Variants in DLGAP2 observed in about 807,000 individuals in gnomAD.
The protein encoded by DLGAP2 is disks large-associated protein 2.
A neutral mutation model predicts 100.3 loss-of-function variants in DLGAP2; 26 were observed. The observed-to-expected ratio is 0.26, with a 90% CI of 0.19 to 0.36. DLGAP2 has a LOEUF of 0.36. Among genes scored for constraint, DLGAP2 ranks in the 10% least tolerant of loss-of-function variants. The pLI, the probability that DLGAP2 is intolerant of heterozygous loss-of-function variation, is 1.00. For missense variants in DLGAP2, 1,858 were observed against 1,453.2 expected, an observed-to-expected ratio of 1.28 and a Z score of -4.53; for synonymous variants, 886 against 630.1, an observed-to-expected ratio of 1.41 and a Z score of -6.08.
intron 3 of DLGAP2, among the ~76,000 whole-genome samples, chr8:1,377,654 G>C (rs1795990094): frequency 6.6e-6 from 1 of 152,222 alleles, no homozygotes; most frequent in African/African-American, 2.4e-5. Context: ...TGTGCCCTGA[G>C]GGCCTGTGAG....
intron 2 of DLGAP2, among the ~76,000 whole-genome samples, chr8:1,220,081 T>G (rs912325814): frequency 2.6e-5 from 4 of 152,156 alleles, no homozygotes; most frequent in African/African-American, 9.7e-5. Flanking sequence ...TTGTTGATGT[T>G]TTGAATGGAT....
intron 4 of DLGAP2, among the ~76,000 whole-genome samples, chr8:1,547,870 G>A (rs1278145410): frequency 6.6e-6 from 1 of 152,214 alleles, no homozygotes; most frequent in Non-Finnish European, 1.5e-5. Context: ...GCCTGTAAGG[G>A]TGTGGACTGA....
chr8:1,515,381 C>T (rs1242994115), intron 4 of DLGAP2, among the ~76,000 whole-genome samples: 1 of 152,212 alleles, frequency 6.6e-6, no homozygotes, highest in African/African-American at 2.4e-5. Context: ...TACACATGCA[C>T]ATACATGAAC....
At chr8:1,054,926 C>G (rs1361741297) in intron 2 of DLGAP2, among the ~76,000 whole-genome samples, 1 of 152,202 alleles carries the variant, frequency 6.6e-6, no homozygotes, top group African/African-American at 2.4e-5. Context: ...ATAATAACAG[C>G]CTTCATAGAC....
At chr8:794,055 G>A (rs999582527) in intron 1 of DLGAP2, among the ~76,000 whole-genome samples, 2 of 151,872 alleles carry the variant, frequency 1.3e-5, no homozygotes, top group Non-Finnish European at 1.5e-5. Context: ...AGTGAGGTTG[G>A]GATGAGCTGT....
intron 2 of DLGAP2, among the ~76,000 whole-genome samples, chr8:1,200,527 T>C (rs1167015644): frequency 6.6e-6 from 1 of 152,094 alleles, no homozygotes; most frequent in Non-Finnish European, 1.5e-5. Context: ...TGCTGATTGT[T>C]CTCTGGTCTG....
intron 5 of DLGAP2, among the ~76,000 whole-genome samples, chr8:1,554,769 A>G (rs1219614114): frequency 2.3e-5 from 2 of 85,188 alleles, no homozygotes; most frequent in African/African-American, 1.2e-4. Context: ...CACGCGCCCC[A>G]GCCCCCCCTC....
chr8:1,550,298 G>T (rs1380396841), intron 5 of DLGAP2, among the ~76,000 whole-genome samples: 3 of 152,192 alleles, frequency 2.0e-5, no homozygotes, highest in Non-Finnish European at 2.9e-5. Context: ...CTATGGCTTT[G>T]TGCGCGGGGC....
intron 1 of DLGAP2, among the ~76,000 whole-genome samples, chr8:742,665 A>G (rs1265154245): frequency 3.3e-5 from 5 of 151,698 alleles, no homozygotes; most frequent in African/African-American, 9.7e-5. Flanking sequence ...GCACCCAACT[A>G]ATTTTTACTT....
intron 2 of DLGAP2, among the ~76,000 whole-genome samples, chr8:909,185 T>C (rs993862818): frequency 6.6e-6 from 1 of 152,238 alleles, no homozygotes; most frequent in African/African-American, 2.4e-5. Context: ...ACAGGGAAGC[T>C]TGTTGAGTGT....
intron 1 of DLGAP2, among the ~76,000 whole-genome samples, chr8:762,998 A>G (rs1041897419): frequency 3.3e-5 from 5 of 152,174 alleles, no homozygotes; most frequent in African/African-American, 1.2e-4. Context: ...TTAAATGTCC[A>G]GTAATGACAG....
At chr8:1,103,370 G>A (rs969960900) in intron 2 of DLGAP2, among the ~76,000 whole-genome samples, 5 of 151,878 alleles carry the variant, frequency 3.3e-5, no homozygotes, top group Non-Finnish European at 5.9e-5. Flanking sequence ...ATGACTGACG[G>A]GGACTTGGTT....
At chr8:843,604 C>T (rs957681595) in intron 1 of DLGAP2, among the ~76,000 whole-genome samples, 16 of 152,214 alleles carry the variant, frequency 1.1e-4, no homozygotes, top group Admixed American at 7.2e-4. Context: ...GGCACTTCCC[C>T]GTATTTTGCA....
At chr8:1,303,019 G>C (rs1264067507) in intron 3 of DLGAP2, among the ~76,000 whole-genome samples, 2 of 152,224 alleles carry the variant, frequency 1.3e-5, no homozygotes, top group Non-Finnish European at 2.9e-5. Context: ...ATGGGCCTTC[G>C]TAAGGACACA....
chr8:1,128,404 A>G (rs569944685), intron 2 of DLGAP2, among the ~76,000 whole-genome samples: 4 of 152,250 alleles, frequency 2.6e-5, no homozygotes, highest in Non-Finnish European at 5.9e-5. Flanking sequence ...CAGTGGTCCC[A>G]TGGAATTATA....
At chr8:1,370,584 A>G (rs1802214138) in intron 3 of DLGAP2, among the ~76,000 whole-genome samples, 1 of 152,240 alleles carries the variant, frequency 6.6e-6, no homozygotes, top group Non-Finnish European at 1.5e-5. Flanking sequence ...ACAAAAGAAG[A>G]AAAGCTGTCT....
intron 5 of DLGAP2, among the ~76,000 whole-genome samples, chr8:1,562,561 T>C (rs1257881319): frequency 1.5e-4 from 5 of 34,266 alleles, no homozygotes; most frequent in South Asian, 2.5e-3. Context: ...TGGGTGTCCG[T>C]GCCTCGTTGC....
At chr8:907,316 G>A (rs1798401341) in intron 1 of DLGAP2, among the ~76,000 whole-genome samples, 1 of 152,218 alleles carries the variant, frequency 6.6e-6, no homozygotes, top group South Asian at 2.1e-4. Flanking sequence ...TTACCGGAGT[G>A]TGTGCTTTGC....
chr8:1,492,240 G>C (rs1169145346), intron 3 of DLGAP2, among the ~76,000 whole-genome samples: 1 of 152,196 alleles, frequency 6.6e-6, no homozygotes, highest in African/African-American at 2.4e-5. Flanking sequence ...GGCTGAGCGC[G>C]GCTGGTGCAC....
Sources: gnomAD v4.1 joint callset for allele counts (sites outside exome capture counted in the v4.1 genomes callset) on GRCh38, gnomAD v4.1.1 for gene constraint, MANE v1.5 for transcripts, NCBI Gene and HGNC (gene_info 2026-07-23, HGNC 2026-07-21) for gene names.